SLC1A3: variants seen among roughly 807,000 people sequenced by gnomAD.
SLC1A3 encodes the protein excitatory amino acid transporter 1.
In SLC1A3, 21 loss-of-function variants were observed where a neutral mutation model predicts 48.1. That is an observed-to-expected ratio of 0.44 (90% confidence interval 0.31 to 0.63). SLC1A3 has a LOEUF of 0.63. Ranked by LOEUF, SLC1A3 falls within the 20% of genes least tolerant of loss-of-function variation. The pLI, the probability that SLC1A3 is intolerant of heterozygous loss-of-function variation, is 0.08. For missense variants in SLC1A3, 546 were observed against 689.0 expected (o/e 0.79, Z 2.32); for synonymous variants, 239 against 251.4 (o/e 0.95, Z 0.47).
At chr5:36,604,082 C>T (rs1361845115), upstream of SLC1A3, among the ~76,000 whole-genome samples, 1 of 139,324 alleles carries the variant, frequency 7.2e-6, no homozygotes, top group Non-Finnish European at 1.5e-5. Context: ...TCTTGTTATA[C>T]TGACATTTTT....
At chr5:36,684,039 GT>G in intron 9 of SLC1A3, 41 bp downstream of exon 9, 1 of 1,613,254 alleles carries the variant, frequency 6.2e-7, no homozygotes. Flanking sequence ...CTGTCACAGG[GT>G]CCCCCTCTGT....
chr5:36,679,818 G>A lies in SLC1A3; in HGVS notation c.1052G>A (p.Gly351Glu). ...TRKNPWVFIGGLLQALITALG... is the reference protein window; with the variant it reads ...TRKNPWVFIGELLQALITALG... ...AAAAACCCTTGGGTTTTTATTGGAGGGTTGCTGCAAGCACTCATCACCGCT... is the reference window on the plus strand; with the variant it reads ...AAAAACCCTTGGGTTTTTATTGGAGAGTTGCTGCAAGCACTCATCACCGCT... Residue 351 changes from glycine to glutamate, a missense_variant, in exon 7 of 10, where the codon GGG (glycine) becomes GAG (glutamate). Around this residue, in one of 3 missense-constraint regions of SLC1A3, gnomAD observed 142 missense variants for 238.0 expected, o/e 0.60. Coordinates refer to ENST00000265113, the MANE Select transcript of SLC1A3 (RefSeq NM_004172.5). 1.9e-6 allele frequency: 3 copies of A among 1,614,100 alleles called. No homozygotes were observed. The highest frequency in any genetic ancestry group is 2.5e-6 in the Non-Finnish European group (3 of 1,179,996).
At chr5:36,602,742 G>T (rs954197405), upstream of SLC1A3, among the ~76,000 whole-genome samples, 10 of 152,182 alleles carry the variant, frequency 6.6e-5, no homozygotes, top group African/African-American at 2.4e-4. Context: ...TCCTCTTGCT[G>T]GTCTTCACCT....
chr5:36,686,032 C>T (rs1163384441), intron 9 of SLC1A3, 33 bp from the exon 10 acceptor site: 1 of 1,587,200 alleles, frequency 6.3e-7, no homozygotes, highest in Non-Finnish European at 8.6e-7. Context: ...TCACGGGAGC[C>T]TCGTTTTTCC....
intron 3 of SLC1A3, chr5:36,629,887 T>C: frequency 2.4e-6 from 1 of 411,482 alleles, no homozygotes. Flanking sequence ...ACCACAGTGA[T>C]GTAGTTGACA....
chr5:36,667,024 G>A (rs2111910281), intron 3 of SLC1A3, among the ~76,000 whole-genome samples: 1 of 152,250 alleles, frequency 6.6e-6, no homozygotes. Flanking sequence ...ATCTTATTCA[G>A]TCTCCTTCTG....
chr5:36,686,472 T>G lies in SLC1A3; in HGVS notation c.*203T>G. On this transcript the variant is annotated 3_prime_UTR_variant, in exon 10 of 10. Coordinates refer to ENST00000265113, the MANE Select transcript of SLC1A3 (RefSeq NM_004172.5). ...ACAATTTTCATCCCACAATTGAAAT[T>G]TTTAAATCATTTCATGTTAGTCTTA... is the stretch of plus-strand genomic sequence containing the variant. 1 of 591,270 alleles carries G rather than the reference T, an allele frequency of 1.7e-6. No homozygotes were observed. 36.6% of individuals were successfully genotyped at this position (591,270 alleles called of 1,614,324 possible).
chr5:36,657,940 G>C (rs1212098534), intron 3 of SLC1A3, among the ~76,000 whole-genome samples: 1 of 152,188 alleles, frequency 6.6e-6, no homozygotes, highest in African/African-American at 2.4e-5. Context: ...TTCAGGAGAG[G>C]CTTTGACAAA....
chr5:36,647,761 A>G (rs1740894808), intron 3 of SLC1A3, among the ~76,000 whole-genome samples: 1 of 152,256 alleles, frequency 6.6e-6, no homozygotes, highest in Admixed American at 6.5e-5. Flanking sequence ...GCAAACATCC[A>G]GACTCCAGGG....
chr5:36,681,692 G>A (rs893766847), intron 8 of SLC1A3, among the ~76,000 whole-genome samples: 10 of 152,206 alleles, frequency 6.6e-5, no homozygotes, highest in African/African-American at 2.2e-4. Flanking sequence ...GCATGTGCAT[G>A]TGCAAATATA....
At chr5:36,674,991 T>C (rs998318263) in intron 5 of SLC1A3, among the ~76,000 whole-genome samples, 11 of 152,180 alleles carry the variant, frequency 7.2e-5, no homozygotes, top group African/African-American at 2.7e-4. Context: ...CCTAAAATAT[T>C]AAAAGGGAAA....
chr5:36,671,245 C>T lies in SLC1A3; in HGVS notation c.524+12C>T. 6.2e-7 allele frequency: 1 copy of T among 1,600,036 alleles called. No homozygotes were observed. The highest frequency in any genetic ancestry group is 8.6e-7 in the Non-Finnish European group (1 of 1,167,866). On this transcript the variant is annotated intron_variant, in intron 4 of 9. Transcript: ENST00000265113. ...CTGGACTTGATCAGGTATGTCCTTG[C>T]AAGCCCGTCCTTTGGGGTGTATTTT... is the stretch of plus-strand genomic sequence containing the variant.
intron 1 of SLC1A3, among the ~76,000 whole-genome samples, chr5:36,600,336 C>T (rs920840539): frequency 2.6e-5 from 4 of 152,130 alleles, no homozygotes; most frequent in Admixed American, 6.5e-5. Context: ...CAGACCTCAC[C>T]TCACTCTTCA....
chr5:36,635,357 T>C (rs956153420), intron 3 of SLC1A3, among the ~76,000 whole-genome samples: 5 of 152,192 alleles, frequency 3.3e-5, no homozygotes, highest in Admixed American at 6.5e-5. Context: ...AAGAGCTGTC[T>C]TCTGGCGGTT....
In SLC1A3 at chr5:36,629,359, A is replaced by G; in HGVS notation, c.182-91A>G. On this transcript the variant is annotated intron_variant, in intron 2 of 9. Transcript: ENST00000265113. ...TGCTGCTTAAATAAATACAACCACCAGCCAAATACTTACTCATTTTGCTAG... is the reference window on the plus strand; with the variant it reads ...TGCTGCTTAAATAAATACAACCACCGGCCAAATACTTACTCATTTTGCTAG... 8.9e-6 allele frequency: 10 copies of G among 1,118,206 alleles called. No individual in the cohort carries two copies. The South Asian group carries it at 9.5e-5, about 11-fold the overall frequency. The allele number at this position is 1,118,206 out of a possible 1,614,324, so 69.3% of individuals were successfully genotyped here.
chr5:36,670,902 A>G (rs1199348633), intron 3 of SLC1A3, 127 bp from the exon 4 acceptor site: 1 of 832,646 alleles, frequency 1.2e-6, no homozygotes, highest in Non-Finnish European at 2.0e-6. Flanking sequence ...TTCTCACAAC[A>G]TGTACGAAAT....
At chr5:36,635,807 A>G (rs1386346613) in intron 3 of SLC1A3, among the ~76,000 whole-genome samples, 1 of 151,978 alleles carries the variant, frequency 6.6e-6, no homozygotes, top group Non-Finnish European at 1.5e-5. Flanking sequence ...ACACTCAAAC[A>G]CACTTCATGG....
chr5:36,680,457 T>C lies in SLC1A3; in HGVS notation c.1157T>C (p.Val386Ala). The stretch of plus-strand genomic sequence containing the variant: ...GAGAACAATGGCGTGGACAAGCGCG[T>C]CACCAGATTCGTGCTCCCCGTAGGA... ...LEENNGVDKR[V>A]TRFVLPVGAT... The change falls in exon 8 of 10, where the codon GTC (valine) becomes GCC (alanine). Residue 386 changes from valine (V) to alanine (A), a missense_variant. By Grantham distance (64) the Val-to-Ala change is moderately conservative. This residue lies in a region of SLC1A3 where 142 missense variants were observed against 238.0 expected (regional missense o/e 0.60). Coordinates refer to ENST00000265113, the MANE Select transcript of SLC1A3 (RefSeq NM_004172.5). 1.2e-6 allele frequency: 2 copies of C among 1,614,192 alleles called. No homozygotes were observed. The highest frequency in any genetic ancestry group is 1.7e-5 in the Admixed American group (1 of 60,028).
At chr5:36,660,342 T>A (rs944185566) in intron 3 of SLC1A3, among the ~76,000 whole-genome samples, 1 of 152,154 alleles carries the variant, frequency 6.6e-6, no homozygotes, top group Non-Finnish European at 1.5e-5. Context: ...TTTTCTTGTA[T>A]AATTTTTGGG....
Sources: gnomAD v4.1 joint callset for allele counts (sites outside exome capture counted in the v4.1 genomes callset) on GRCh38, gnomAD v4.1.1 for gene constraint, gnomAD v4.1.1 regional missense constraint, MANE v1.5 for transcripts, NCBI Gene and HGNC (gene_info 2026-07-23, HGNC 2026-07-21) for gene names.